TRPM8: variants seen among roughly 807,000 people sequenced by gnomAD.
TRPM8 encodes TRPM8 cationic channel.
Under a neutral mutation model 133.7 loss-of-function variants are expected in TRPM8, and 110 were observed. The ratio of observed to expected loss-of-function variants is 0.82; its 90% CI spans 0.70 to 0.96. TRPM8 has a LOEUF of 0.96. Among genes scored for constraint, TRPM8 ranks in the 40% least tolerant of loss-of-function variants. The pLI is 0.00. For synonymous variants in TRPM8, 535 were observed against 532.3 expected (o/e 1.01, Z -0.07); for missense variants, 1,291 against 1,379.5 (o/e 0.94, Z 1.02).
rs199933698 is a variant in TRPM8 at position 233,970,357 on chromosome 2, G to C, written c.2286G>C (p.Ser762=). The C allele has an allele frequency of 1.9e-6, 3 of 1,614,022 alleles. No individual in the cohort carries two copies. Among genetic ancestry groups the C allele is most frequent in the Non-Finnish European group, 2.5e-6 (3 of 1,180,004 alleles). The change falls in exon 17 of 26, where the codon TCG becomes TCC. Residue 762 remains serine (S), a synonymous_variant. Coordinates refer to ENST00000324695, the MANE Select transcript of TRPM8 (RefSeq NM_024080.5). ...ACGTGCTGCTCATGGATTTCCATTC[G>C]GTGCCACACCCCCCCGAGCTGGTCC... ...FAYVLLMDFH[S]VPHPPELVLY...
chr2:233,919,511 A>T (rs928003326), intron 1 of TRPM8, among the ~76,000 whole-genome samples: 1 of 152,044 alleles, frequency 6.6e-6, no homozygotes, highest in African/African-American at 2.4e-5. Context: ...TAGCTGTGTG[A>T]CTTTGGGAAA....
chr2:233,984,701 T>G (rs1418117375), intron 20 of TRPM8, among the ~76,000 whole-genome samples: 1 of 152,210 alleles, frequency 6.6e-6, no homozygotes, highest in Non-Finnish European at 1.5e-5. Flanking sequence ...TCTGTGCTTC[T>G]GCCAGAGCGA....
intron 22 of TRPM8, among the ~76,000 whole-genome samples, chr2:233,998,631 C>A (rs542417688): frequency 6.6e-6 from 1 of 151,838 alleles, no homozygotes; most frequent in Non-Finnish European, 1.5e-5. Context: ...GCCGCTTGTG[C>A]CCATCCAGTT....
chr2:233,955,472 A>G, intron 11 of TRPM8: 1 of 388,692 alleles, frequency 2.6e-6, no homozygotes, highest in Non-Finnish European at 4.6e-6. Context: ...AATAAATGGT[A>G]TAAAATAACA....
chr2:234,002,096 A>T (rs1397916632), intron 22 of TRPM8, among the ~76,000 whole-genome samples: 1 of 151,804 alleles, frequency 6.6e-6, no homozygotes, highest in Non-Finnish European at 1.5e-5. Flanking sequence ...GGACATTTAA[A>T]CCCTTGACTA....
chr2:233,955,110 G>A (rs759928974), intron 10 of TRPM8, 22 bp from the exon 11 acceptor site: 2 of 1,583,008 alleles, frequency 1.3e-6, no homozygotes, highest in Non-Finnish European at 1.7e-6. Context: ...GGTGAGTTGA[G>A]TCTTTTCCTG....
chr2:234,013,492 T>A (rs1692889005), intron 24 of TRPM8: 1 of 152,222 alleles, frequency 6.6e-6, no homozygotes, highest in South Asian at 2.1e-4. Context: ...GTCTTTCTCA[T>A]TTCTGACTGT....
intron 21 of TRPM8, among the ~76,000 whole-genome samples, chr2:233,996,074 T>C (rs1212705574): frequency 6.6e-6 from 1 of 151,272 alleles, no homozygotes; most frequent in African/African-American, 2.4e-5. Context: ...TTAAAGTTTG[T>C]TGAGCATTTT....
rs1171711260 is a variant in TRPM8 at position 233,927,774 on chromosome 2, CTTTCTTTCTTTCTTTCT to C, written c.117+1129_117+1145del. ...TCTTTCTTTCTTTCTTTCTTTCTTT[CTTTCTTTCTTTCTTTCT>C]TTTCTTTCCTTCCTTCCTTCCTTCC... is the stretch of plus-strand genomic sequence containing the variant. On this transcript the variant is annotated intron_variant, in intron 2 of 25. Transcript: ENST00000324695. Among the ~76,000 whole-genome samples the C allele has an allele frequency of 8.9e-3, 503 of 56,502 alleles. 24 individuals carry two copies. The highest frequency in any genetic ancestry group is 0.035 in the African/African-American group (164 of 4,642). The allele number at this position is 56,502 out of a possible 152,430, so 37.1% of individuals were successfully genotyped here. A position where few individuals can be genotyped will look rare whatever the true frequency, so the allele number is the denominator to read the frequency against.
At chr2:234,009,884 C>A (rs73996665) in intron 24 of TRPM8, among the ~76,000 whole-genome samples, 5,120 of 152,172 alleles carry the variant, frequency 0.034, 321 homozygotes, top group African/African-American at 0.12. Context: ...TGCTTTGATG[C>A]ATGTATACAT....
chr2:234,007,938 C>T, intron 23 of TRPM8, 132 bp from the exon 24 acceptor site: 1 of 927,048 alleles, frequency 1.1e-6, no homozygotes, highest in Non-Finnish European at 1.7e-6. Flanking sequence ...GCAGCTGATT[C>T]TTGATTTAGC....
chr2:233,988,140 A>G (rs1449895635), intron 21 of TRPM8, among the ~76,000 whole-genome samples: 1 of 152,038 alleles, frequency 6.6e-6, no homozygotes, highest in Non-Finnish European at 1.5e-5. Context: ...CACCATGCTC[A>G]TCCCCTGCTC....
chr2:233,934,513 A>G (rs137994419), intron 3 of TRPM8, among the ~76,000 whole-genome samples: 1 of 140,804 alleles, frequency 7.1e-6, no homozygotes, highest in East Asian at 2.1e-4. Context: ...GGTTGGAGAG[A>G]AGAGACAGTC....
rs142743058 is a variant in TRPM8, at chr2:233,928,645, G to A, written c.117+1991G>A. 3.4e-3 allele frequency among the ~76,000 whole-genome samples: 511 copies of A among 152,276 alleles called. 8 individuals carry two copies. The highest frequency in any genetic ancestry group is 0.012 in the African/African-American group (487 of 41,538). ...ATCACAGACTTTCAAAACTGTACAG[G>A]TGAGCACTGAAGCTATTTTTGCTTT... On this transcript the variant is annotated intron_variant, in intron 2 of 25. Transcript: ENST00000324695.
chr2:233,924,042 G>C (rs1165583762), intron 1 of TRPM8, among the ~76,000 whole-genome samples: 1 of 152,144 alleles, frequency 6.6e-6, no homozygotes, highest in Admixed American at 6.5e-5. Context: ...TTACAGTGTT[G>C]GGGGGAAAGT....
At chr2:233,965,743 C>G (rs890789151) in intron 14 of TRPM8, among the ~76,000 whole-genome samples, 1 of 151,810 alleles carries the variant, frequency 6.6e-6, no homozygotes. Context: ...GGCAATGGCT[C>G]CTAATAGTTT....
chr2:233,948,478 G>A (rs1380036355), intron 8 of TRPM8, among the ~76,000 whole-genome samples: 1 of 152,302 alleles, frequency 6.6e-6, no homozygotes, highest in Admixed American at 6.5e-5. Flanking sequence ...AGCATAAATG[G>A]CTCAAATCTG....
chr2:234,014,724 G>T, intron 25 of TRPM8, 70 bp downstream of exon 25: 3 of 524,404 alleles, frequency 5.7e-6, no homozygotes, highest in Admixed American at 4.5e-5. Flanking sequence ...TTAAGATCAT[G>T]ATTTTTTCCT....
intron 22 of TRPM8, among the ~76,000 whole-genome samples, chr2:234,003,070 G>GT (rs1196420382): frequency 7.9e-5 from 12 of 152,128 alleles, no homozygotes; most frequent in African/African-American, 2.7e-4. Flanking sequence ...AAGAAGCATC[G>GT]TTTTTTGTGG....
Sources: allele counts gnomAD v4.1 joint callset (sites outside exome capture counted in the v4.1 genomes callset), GRCh38; gene constraint gnomAD v4.1.1; transcripts MANE v1.5; gene names NCBI Gene and HGNC (gene_info 2026-07-23, HGNC 2026-07-21).